The following CALN1 variants were observed in gnomAD, a reference collection of about 807,000 sequenced individuals.
CALN1 encodes calneuron 1.
Under a neutral mutation model 30.6 loss-of-function variants are expected in CALN1, and 17 were observed. That is an observed-to-expected ratio of 0.56 (90% CI 0.38 to 0.83). The LOEUF is 0.83. CALN1 is among the 40% of genes least tolerant of loss of function. The probability of loss-of-function intolerance (pLI) is 0.00; values close to 1 mark genes in which losing one functional copy is unlikely to be tolerated. For missense variants in CALN1, 291 were observed against 354.9 expected (o/e 0.82, Z 1.45); for synonymous variants, 156 against 131.4 (o/e 1.19, Z -1.28).
chr7:71,902,095 T>C (rs574113036), intron 5 of CALN1, among the ~76,000 whole-genome samples: 77 of 151,880 alleles, frequency 5.1e-4, no homozygotes, highest in African/African-American at 1.9e-3. Context: ...GTAACCCCAT[T>C]AAAAAGTGAG....
chr7:72,135,478 A>C (rs1433199375), intron 3 of CALN1, among the ~76,000 whole-genome samples: 1 of 152,198 alleles, frequency 6.6e-6, no homozygotes, highest in Non-Finnish European at 1.5e-5. Context: ...GTACATCTCC[A>C]TTAGAGCTCT....
chr7:72,190,300 G>A (rs114775593), intron 3 of CALN1, among the ~76,000 whole-genome samples: 2,888 of 152,262 alleles, frequency 0.019, 89 homozygotes, highest in African/African-American at 0.066. Context: ...GAGCCGAGCC[G>A]AGATTGCACC....
At chr7:72,258,042 A>C (rs377618812) in intron 3 of CALN1, among the ~76,000 whole-genome samples, 2 of 152,186 alleles carry the variant, frequency 1.3e-5, no homozygotes, top group African/African-American at 4.8e-5. Flanking sequence ...TGGGTGCAAC[A>C]AAATCTCAGA....
intron 4 of CALN1, among the ~76,000 whole-genome samples, chr7:72,104,785 C>T (rs10243717): frequency 0.23 from 34,523 of 151,826 alleles, 4,864 homozygotes; most frequent in East Asian, 0.69. Flanking sequence ...GGCGAAACTC[C>T]GTCTCTACTA....
Position 71,871,246 on chromosome 7 carries a change from A to C in CALN1, c.502-60754T>G, listed in dbSNP as rs1791907411. On this transcript the variant is annotated intron_variant, in intron 5 of 6. Transcript: ENST00000395275. Reference sequence around the variant, plus strand: ...CATAAATTATACAGGATACATTTTTAATGAATAAAAGAGCTTTAAAAAAAA... The same window carrying C: ...CATAAATTATACAGGATACATTTTTCATGAATAAAAGAGCTTTAAAAAAAA... 2.0e-5 allele frequency among the ~76,000 whole-genome samples: 3 copies of C among 152,206 alleles called. No individual in the cohort carries two copies. The South Asian group carries it at 6.2e-4, about 31-fold the overall frequency.
Position 71,836,874 on chromosome 7 carries a change from T to C in CALN1, c.502-26382A>G, listed in dbSNP as rs570383626. ...CTCAAGTCATCTGCCCACCTCGGCC[T>C]CCCAAAGTGCTGGGATTACAGGCGT... is the stretch of plus-strand genomic sequence containing the variant. On this transcript the variant is annotated intron_variant, in intron 5 of 6. Coordinates refer to ENST00000395275, the MANE Select transcript of CALN1 (RefSeq NM_031468.4). Among the ~76,000 whole-genome samples the C allele has an allele frequency of 4.0e-5, 6 of 151,072 alleles. No individual in the cohort carries two copies. In the South Asian group the frequency reaches 1.1e-3, roughly 27 times the overall value.
intron 5 of CALN1, among the ~76,000 whole-genome samples, chr7:71,943,880 T>C (rs1049143844): frequency 6.6e-6 from 1 of 152,028 alleles, no homozygotes; most frequent in African/African-American, 2.4e-5. Flanking sequence ...ATAGGCAGGA[T>C]GAAAATGGGG....
intron 2 of CALN1, among the ~76,000 whole-genome samples, chr7:72,349,519 A>G (rs971451094): frequency 1.3e-5 from 2 of 152,006 alleles, no homozygotes; most frequent in African/African-American, 4.8e-5. Context: ...TATCCAGAAG[A>G]AAAAAAACAT....
intron 1 of CALN1, 127 bp from the exon 2 acceptor site, chr7:72,403,569 C>T: frequency 2.2e-6 from 1 of 456,800 alleles, no homozygotes; most frequent in Non-Finnish European, 3.9e-6. Context: ...GAAACACAAT[C>T]CTGGCACAAG....
At chr7:71,973,004 C>G (rs1360325228) in intron 5 of CALN1, among the ~76,000 whole-genome samples, 1 of 151,948 alleles carries the variant, frequency 6.6e-6, no homozygotes, top group African/African-American at 2.4e-5. Flanking sequence ...TCCTCCAAAG[C>G]CCTCACACCA....
intron 3 of CALN1, among the ~76,000 whole-genome samples, chr7:72,184,070 G>A (rs1004546213): frequency 3.3e-5 from 5 of 152,122 alleles, no homozygotes; most frequent in Admixed American, 6.6e-5. Context: ...AAAGTTCTCC[G>A]TACAGGTTAT....
intron 3 of CALN1, among the ~76,000 whole-genome samples, chr7:72,154,568 A>T (rs1182142211): frequency 6.6e-6 from 1 of 152,180 alleles, no homozygotes; most frequent in South Asian, 2.1e-4. Context: ...CCCGAGATGT[A>T]AATGGCCTGA....
intron 5 of CALN1, among the ~76,000 whole-genome samples, chr7:71,817,302 C>G (rs1788323555): frequency 6.6e-6 from 1 of 152,102 alleles, no homozygotes; most frequent in Non-Finnish European, 1.5e-5. Context: ...ATTTTAAATT[C>G]CTCCCAATCA....
chr7:71,870,458 T>C (rs1791857927), intron 5 of CALN1, among the ~76,000 whole-genome samples: 1 of 152,152 alleles, frequency 6.6e-6, no homozygotes, highest in African/African-American at 2.4e-5. Flanking sequence ...GTTTGTAAAT[T>C]ATTTTTTATA....
chr7:72,253,360 C>G (rs1795693430), intron 3 of CALN1, among the ~76,000 whole-genome samples: 1 of 152,164 alleles, frequency 6.6e-6, no homozygotes, highest in Non-Finnish European at 1.5e-5. Context: ...AGGTGTGATT[C>G]TGAGATAACA....
At chr7:72,307,382 T>G (rs144913615) in intron 2 of CALN1, among the ~76,000 whole-genome samples, 31 of 152,320 alleles carry the variant, frequency 2.0e-4, no homozygotes, top group Middle Eastern at 3.4e-3. Flanking sequence ...CTGAGGTTTC[T>G]TCTCATTCTG....
At chr7:71,903,725 G>C (rs1019257526) in intron 5 of CALN1, among the ~76,000 whole-genome samples, 1 of 152,070 alleles carries the variant, frequency 6.6e-6, no homozygotes, top group Non-Finnish European at 1.5e-5. Context: ...AAACTAAAAA[G>C]TTTTATACAG....
At chr7:72,432,779 T>A (rs991643938) in intron 1 of CALN1, among the ~76,000 whole-genome samples, 1 of 152,186 alleles carries the variant, frequency 6.6e-6, no homozygotes. Context: ...CTCTCTGAAG[T>A]TGGCTACTTT....
At chr7:72,321,222 A>ATC (rs1383908498) in intron 2 of CALN1, among the ~76,000 whole-genome samples, 1 of 152,198 alleles carries the variant, frequency 6.6e-6, no homozygotes, top group Non-Finnish European at 1.5e-5. Context: ...TATTGTCTTC[A>ATC]TCTCAAGGCA....
Sources: allele counts gnomAD v4.1 joint callset (sites outside exome capture counted in the v4.1 genomes callset), GRCh38; gene constraint gnomAD v4.1.1; transcripts MANE v1.5; gene names NCBI Gene and HGNC (gene_info 2026-07-23, HGNC 2026-07-21).